TMEM204: variants seen among roughly 807,000 people sequenced by gnomAD.
TMEM204 encodes the protein claudin-like protein 24.
Under a neutral mutation model 19.4 loss-of-function variants are expected in TMEM204, and 15 were observed. That is an observed-to-expected ratio of 0.77 (90% CI 0.52 to 1.19). The LOEUF (loss-of-function observed/expected upper bound fraction) is 1.19, where lower values mean the gene tolerates loss of function less well. TMEM204 is among the 50% of genes most tolerant of loss of function. The probability of loss-of-function intolerance (pLI) is 0.00; values close to 1 mark genes in which losing one functional copy is unlikely to be tolerated. For synonymous variants in TMEM204, 161 were observed against 146.0 expected (o/e 1.10, Z -0.74); for missense variants, 287 against 321.2 (o/e 0.89, Z 0.81).
chr16:1,530,184 G>A (rs1218339339), upstream of TMEM204, among the ~76,000 whole-genome samples: 1 of 140,008 alleles, frequency 7.1e-6, no homozygotes, highest in Non-Finnish European at 1.5e-5. Context: ...CTGTCACCAG[G>A]CTGGAGTGTG....
At chr16:1,535,978 G>A (rs746476338) in intron 1 of TMEM204, among the ~76,000 whole-genome samples, 6 of 152,226 alleles carry the variant, frequency 3.9e-5, no homozygotes, top group Non-Finnish European at 7.3e-5. Flanking sequence ...AGAAGGAGCC[G>A]CAGCCCCGTT....
chr16:1,536,823 G>A (rs139195664), intron 1 of TMEM204, among the ~76,000 whole-genome samples: 6 of 152,300 alleles, frequency 3.9e-5, no homozygotes, highest in Admixed American at 2.6e-4. Flanking sequence ...CTCCCACGGG[G>A]TGGCCCCTCT....
intron 1 of TMEM204, among the ~76,000 whole-genome samples, chr16:1,540,105 GGATGCTGGGAC>G (rs1395247905): frequency 6.6e-6 from 1 of 152,308 alleles, no homozygotes; most frequent in African/African-American, 2.4e-5. Context: ...GTGCCTCCAG[GGATGCTGGGAC>G]GCCGAAAGCC....
chr16:1,551,961 C>T lies in TMEM204; in HGVS notation c.437-2821C>T, dbSNP rs550810055. 1.1e-4 allele frequency among the ~76,000 whole-genome samples: 17 copies of T among 152,250 alleles called. No individual in the cohort carries two copies. The South Asian group carries it at 3.1e-3, about 28-fold the overall frequency. ...CCTCTCCCTGGTGACGTGTGGCCCG[C>T]GCTGTCCCCCTGCAATGACGGTACC... On this transcript the variant is annotated intron_variant, in intron 2 of 2. Transcript: ENST00000566264. This position sits in a 1 kb window ranked among gnomAD's most constrained non-coding sequence, Gnocchi z 4.0.
chr16:1,547,581 GC>G (rs2032278654), intron 2 of TMEM204, among the ~76,000 whole-genome samples: 1 of 152,164 alleles, frequency 6.6e-6, no homozygotes, highest in Admixed American at 6.5e-5. Flanking sequence ...CCGATACCCA[GC>G]CTGGAGTGCA....
chr16:1,552,307 C>G (rs2032716682), intron 2 of TMEM204, among the ~76,000 whole-genome samples: 1 of 152,152 alleles, frequency 6.6e-6, no homozygotes, highest in Non-Finnish European at 1.5e-5. Flanking sequence ...GGGACTCTCC[C>G]CAAGGCTCCC....
chr16:1,530,075 G>A (rs951977737), upstream of TMEM204, among the ~76,000 whole-genome samples: 46 of 150,600 alleles, frequency 3.1e-4, no homozygotes, highest in African/African-American at 1.1e-3. Flanking sequence ...TAAACACCAC[G>A]TTGTAAGACA....
chr16:1,534,471 G>C lies in TMEM204; in HGVS notation c.196G>C (p.Gly66Arg), dbSNP rs770593310. The C allele has an allele frequency of 1.9e-6, 3 of 1,610,818 alleles. No individual in the cohort carries two copies. The highest frequency in any genetic ancestry group is 3.3e-5 in the Admixed American group (2 of 59,992). ...AGGGCCGAGCCCTGGGGCCAGAGCC[G>C]GCCAGGTGGACGCACATGACTGTGA... ...RGGPSPGARAGQVDAHDCEAL... is the reference protein window; with the variant it reads ...RGGPSPGARARQVDAHDCEAL... The change falls in exon 1 of 3, where the codon GGC becomes CGC. Residue 66 changes from glycine (G) to arginine (R), a missense_variant. Transcript: ENST00000566264.
rs753697669 is a variant in TMEM204, at chr16:1,542,012, G to C, written c.372G>C (p.Leu124=). 1 of 1,611,384 alleles carries C rather than the reference G, an allele frequency of 6.2e-7. No individual in the cohort carries two copies. Among genetic ancestry groups the C allele is most frequent in the Non-Finnish European group, 8.5e-7 (1 of 1,179,642 alleles). ...CCTTCCTCCTGGGGCTGGTGGGCCT[G>C]CCCCTGCTGTCACCCGACGCCCCGT... ...QLTFLLGLVG[L]PLLSPDAPCW... is the part of the protein sequence containing the mutation. The change falls in exon 2 of 3, where the codon CTG becomes CTC. Residue 124 remains leucine (L), a synonymous_variant. Coordinates refer to ENST00000566264, the MANE Select transcript of TMEM204 (RefSeq NM_024600.6).
At chr16:1,548,054 C>T (rs1478288353) in intron 2 of TMEM204, among the ~76,000 whole-genome samples, 1 of 152,210 alleles carries the variant, frequency 6.6e-6, no homozygotes, top group East Asian at 1.9e-4. Context: ...TCTTCTTTCC[C>T]TTCCAACTTT....
intron 2 of TMEM204, among the ~76,000 whole-genome samples, chr16:1,543,488 G>A (rs933583778): frequency 7.2e-5 from 11 of 152,356 alleles, no homozygotes; most frequent in Admixed American, 4.6e-4. Flanking sequence ...GAGGGGCCTC[G>A]AGGCTTCAGT....
intron 1 of TMEM204, among the ~76,000 whole-genome samples, chr16:1,535,025 C>A (rs1036307136): frequency 6.6e-6 from 1 of 151,882 alleles, no homozygotes; most frequent in Admixed American, 6.6e-5. Flanking sequence ...GCCTACATAG[C>A]GAGAGACCCT....
intron 1 of TMEM204, 102 bp downstream of exon 1, chr16:1,534,657 C>T (rs2030881952): frequency 5.9e-6 from 9 of 1,512,992 alleles, no homozygotes; most frequent in South Asian, 4.5e-5. Flanking sequence ...GAGGCCTGGC[C>T]CCTGCTCTGC....
chr16:1,541,774 C>A, intron 1 of TMEM204, 147 bp from the exon 2 acceptor site: 1 of 988,064 alleles, frequency 1.0e-6, no homozygotes. Flanking sequence ...GGGCGTGATG[C>A]TTCCCGAAGC....
intron 2 of TMEM204, chr16:1,552,806 CCTCA>C (rs2032769903): frequency 5.1e-6 from 1 of 197,966 alleles, no homozygotes; most frequent in South Asian, 1.8e-4. Context: ...TGCCACCACA[CCTCA>C]CTAATTTTTT....
At chr16:1,541,407 G>C (rs1157126940) in intron 1 of TMEM204, 1 of 985,254 alleles carries the variant, frequency 1.0e-6, no homozygotes, top group African/African-American at 1.7e-5. Context: ...TGGGAGGAGG[G>C]AACACCACCA....
intron 2 of TMEM204, among the ~76,000 whole-genome samples, chr16:1,548,340 A>G (rs1359416549): frequency 6.6e-6 from 1 of 152,176 alleles, no homozygotes; most frequent in African/African-American, 2.4e-5. Context: ...CAGCCATTCC[A>G]AAAGGAAGGC....
In TMEM204 at chr16:1,537,938, G is replaced by A. The variant is rs561501863; in HGVS notation, c.280+3383G>A. Among the ~76,000 whole-genome samples, 9 of 152,290 alleles carry A rather than the reference G, an allele frequency of 5.9e-5. No individual in the cohort carries two copies. The East Asian group carries it at 7.7e-4, about 13-fold the overall frequency. ...AATACAGGTGGAGGACAGAGCTCCC[G>A]GGCTTCACCCCCTGCTCGGCCAGGA... On this transcript the variant is annotated intron_variant, in intron 1 of 2. Coordinates refer to ENST00000566264, the MANE Select transcript of TMEM204 (RefSeq NM_024600.6).
At chr16:1,552,020 C>T (rs182659874) in intron 2 of TMEM204, among the ~76,000 whole-genome samples, 4 of 152,168 alleles carry the variant, frequency 2.6e-5, no homozygotes, top group African/African-American at 7.2e-5. Flanking sequence ...CTGACCCCCA[C>T]GGCAACCGCA....
Sources: gnomAD v4.1 joint callset for allele counts (sites outside exome capture counted in the v4.1 genomes callset) on GRCh38, gnomAD v4.1.1 for gene constraint, Gnocchi (gnomAD v3.1) non-coding constraint, MANE v1.5 for transcripts, NCBI Gene and HGNC (gene_info 2026-07-23, HGNC 2026-07-21) for gene names.